Variants in CKAP2L observed in about 807,000 individuals in gnomAD.
The protein encoded by CKAP2L is cytoskeleton associated protein 2L.
In CKAP2L, 42 loss-of-function variants were observed where a neutral mutation model predicts 65.7. The observed-to-expected ratio is 0.64, with a 90% CI of 0.50 to 0.83. CKAP2L has a LOEUF of 0.83. Ranked by LOEUF, CKAP2L falls within the 40% of genes least tolerant of loss-of-function variation. CKAP2L has a pLI of 0.00. For missense variants in CKAP2L, 908 were observed against 871.0 expected, an observed-to-expected ratio of 1.04 and a Z score of -0.53; for synonymous variants, 325 against 313.5, an observed-to-expected ratio of 1.04 and a Z score of -0.39.
At chr2:112,760,683 A>C in intron 3 of CKAP2L, 30 bp downstream of exon 3, 1 of 1,160,178 alleles carries the variant, frequency 8.6e-7, no homozygotes, top group Non-Finnish European at 1.3e-6. Context: ...TTATGAATGC[A>C]TATTTTTAAA....
At chr2:112,761,808 G>C (rs943714965) in intron 2 of CKAP2L, among the ~76,000 whole-genome samples, 1 of 152,160 alleles carries the variant, frequency 6.6e-6, no homozygotes, top group South Asian at 2.1e-4. Context: ...GATGTTATAG[G>C]TACTAAATAA....
intron 8 of CKAP2L, 96 bp from the exon 9 acceptor site, chr2:112,739,144 C>T (rs1679660105): frequency 1.1e-6 from 1 of 925,048 alleles, no homozygotes; most frequent in Non-Finnish European, 1.7e-6. Context: ...ACAGGGAAGA[C>T]ATTTTAACAT....
intron 8 of CKAP2L, among the ~76,000 whole-genome samples, 168 bp downstream of exon 8, chr2:112,740,650 G>A: frequency 6.6e-6 from 1 of 152,162 alleles, no homozygotes; most frequent in East Asian, 1.9e-4. Context: ...GAAAAGGTAG[G>A]CGAGACCATA....
rs759631723 is a variant in CKAP2L at position 112,752,360 on chromosome 2, G to C, written c.1509C>G (p.Ser503Arg). 4 of 1,612,720 alleles carry C rather than the reference G, an allele frequency of 2.5e-6. No homozygotes were observed. The African/African-American group carries it at 5.3e-5, about 22-fold the overall frequency. ...TCTTTTCTTCCTCTTCTTTTTCAAT[G>C]CTCTTCCAGAATGAAATATTCATTT... is the stretch of plus-strand genomic sequence containing the variant. ...IKEMNISFWK[S>R]IEKEEEEKKA... Residue 503 changes from serine to arginine, a missense_variant, in exon 5 of 9, where the codon AGC becomes AGG. Transcript: ENST00000302450.
In CKAP2L at chr2:112,756,047, C is replaced by T; in HGVS notation, c.1324G>A (p.Asp442Asn). The T allele has an allele frequency of 6.2e-7, 1 of 1,613,220 alleles. No homozygotes were observed. The highest frequency in any genetic ancestry group is 8.5e-7 in the Non-Finnish European group (1 of 1,179,808). ...LNKTAPKTQA[D>N]VTTVNGTQTN... is the part of the protein sequence containing the mutation. ...TGGGTCCCATTTACGGTTGTGACAT[C>T]AGCTTGAGTTTTGGGAGCTGTCTTG... The change falls in exon 4 of 9, where the codon GAT (aspartate) becomes AAT (asparagine). Residue 442 changes from aspartate (D) to asparagine (N), a missense_variant. Coordinates refer to ENST00000302450, the MANE Select transcript of CKAP2L (RefSeq NM_152515.5).
chr2:112,750,927 T>C (rs1677529920), intron 5 of CKAP2L, among the ~76,000 whole-genome samples: 1 of 152,106 alleles, frequency 6.6e-6, no homozygotes, highest in Non-Finnish European at 1.5e-5. Flanking sequence ...CCTGAGGTCT[T>C]TTAAAAAGAT....
Position 112,756,203 on chromosome 2 carries a change from T to C in CKAP2L, c.1168A>G (p.Ile390Val), listed in dbSNP as rs1272244972. The C allele has an allele frequency of 6.2e-7, 1 of 1,614,228 alleles. No individual in the cohort carries two copies. Among genetic ancestry groups the C allele is most frequent in the Non-Finnish European group, 8.5e-7 (1 of 1,180,034 alleles). ...NLTVGRFNSA[I>V]PSTPSIRPNG... ...GGTCTTATGCTAGGGGTGCTTGGAA[T>C]GGCTGAATTAAATCTGCCAACTGTC... The change falls in exon 4 of 9, where the codon ATT (isoleucine) becomes GTT (valine). Residue 390 changes from isoleucine (I) to valine (V), a missense_variant. Physicochemically the swap from Ile to Val is conservative, Grantham distance 29. Coordinates refer to ENST00000302450, the MANE Select transcript of CKAP2L (RefSeq NM_152515.5).
intron 5 of CKAP2L, among the ~76,000 whole-genome samples, chr2:112,750,170 CTT>C (rs1373185065): frequency 1.5e-4 from 23 of 152,206 alleles, no homozygotes; most frequent in Admixed American, 1.5e-3. Context: ...CCTAACCTCT[CTT>C]TGTTCTCCTA....
rs1680842009 is a variant in CKAP2L at position 112,764,542 on chromosome 2, G to A, written c.37+20C>T. The A allele has an allele frequency of 1.2e-6, 2 of 1,613,946 alleles. No homozygotes were observed. Among genetic ancestry groups the A allele is most frequent in the East Asian group, 2.2e-5 (1 of 44,860 alleles). ...CGTGTTCCAACGCCTGAGAATAACGGGAACAGCGGTCGTACTCACCGACAG... is the reference window on the plus strand; with the variant it reads ...CGTGTTCCAACGCCTGAGAATAACGAGAACAGCGGTCGTACTCACCGACAG... On this transcript the variant is annotated intron_variant, in intron 1 of 8. Coordinates refer to ENST00000302450, the MANE Select transcript of CKAP2L (RefSeq NM_152515.5).
chr2:112,764,485 G>T, intron 1 of CKAP2L, 77 bp downstream of exon 1: 2 of 1,505,256 alleles, frequency 1.3e-6, no homozygotes, highest in Non-Finnish European at 1.9e-6. Context: ...CCCGCGGGAC[G>T]AACTCACTCG....
rs147582835 is a variant in CKAP2L, at chr2:112,756,987, C to T, written c.384G>A (p.Ser128=). ...SKSFQQCEAG[S]STTGELSRKP... is the part of the protein sequence containing the mutation. ...TTCTTGACAGTTCTCCTGTTGTGGA[C>T]GATCCAGCTTCACACTGTTGAAAAC... is the stretch of plus-strand genomic sequence containing the variant. The change falls in exon 4 of 9, where the codon TCG becomes TCA. Residue 128 remains serine (S), a synonymous_variant. Transcript: ENST00000302450. 190 of 1,614,176 alleles carry T rather than the reference C, an allele frequency of 1.2e-4. 1 individual carries two copies. The highest frequency in any genetic ancestry group is 3.3e-4 in the Middle Eastern group (2 of 6,062).
At chr2:112,760,800 G>C (rs1680694424) in intron 2 of CKAP2L, 36 bp from the exon 3 acceptor site, 1 of 1,114,406 alleles carries the variant, frequency 9.0e-7, no homozygotes, top group Non-Finnish European at 1.3e-6. Context: ...CCTCAGCACA[G>C]AAGGATTCTA....
At chr2:112,749,195 T>C (rs1363859405) in intron 5 of CKAP2L, among the ~76,000 whole-genome samples, 3 of 150,712 alleles carry the variant, frequency 2.0e-5, no homozygotes, top group Non-Finnish European at 4.4e-5. Context: ...AGTCAGCCCA[T>C]GAAGGCTTAA....
chr2:112,745,260 T>C (rs1305436617), intron 6 of CKAP2L, among the ~76,000 whole-genome samples: 1 of 152,180 alleles, frequency 6.6e-6, no homozygotes, highest in Non-Finnish European at 1.5e-5. Flanking sequence ...GAATTAATTA[T>C]ATAATAAATA....
At chr2:112,748,126 A>C (rs1200972675) in intron 5 of CKAP2L, among the ~76,000 whole-genome samples, 1 of 152,246 alleles carries the variant, frequency 6.6e-6, no homozygotes, top group African/African-American at 2.4e-5. Flanking sequence ...AAAAAAGTTC[A>C]ACACACAAAG....
At position 112,739,101 on chromosome 2, in the gene CKAP2L, T is replaced by C. The variant is rs1679654649; in HGVS notation, c.2013-53A>G. ...AACCTTATCATTTAAAAAAATTATC[T>C]TTATTATTTTTTGTTTCTTATTCAA... On this transcript the variant is annotated intron_variant, in intron 8 of 8. Transcript: ENST00000302450. 16 of 1,332,398 alleles carry C rather than the reference T, an allele frequency of 1.2e-5. No homozygotes were observed. In the South Asian group the frequency reaches 2.1e-4, roughly 17 times the overall value. 82.5% of individuals were successfully genotyped at this position (1,332,398 alleles called of 1,614,324 possible).
In CKAP2L at chr2:112,756,976, C is replaced by T; in HGVS notation, c.395G>A (p.Gly132Glu). ...CCCCACAGGTTTTCTTGACAGTTCTCCTGTTGTGGACGATCCAGCTTCACA... is the reference window on the plus strand; with the variant it reads ...CCCCACAGGTTTTCTTGACAGTTCTTCTGTTGTGGACGATCCAGCTTCACA... ...QQCEAGSSTTGELSRKPVGSL... is the reference protein window; with the variant it reads ...QQCEAGSSTTEELSRKPVGSL... Residue 132 changes from glycine to glutamate, a missense_variant, in exon 4 of 9, where the codon GGA becomes GAA. Gly to Glu is a moderately conservative substitution (Grantham distance 98). Transcript: ENST00000302450. 1 of 1,614,192 alleles carries T rather than the reference C, an allele frequency of 6.2e-7. No individual in the cohort carries two copies.
At chr2:112,747,841 T>C in intron 5 of CKAP2L, among the ~76,000 whole-genome samples, 1 of 152,166 alleles carries the variant, frequency 6.6e-6, no homozygotes. Context: ...CTTTTAAGAG[T>C]ATCACAGTCA....
At chr2:112,751,773 A>T (rs1174814638) in intron 5 of CKAP2L, among the ~76,000 whole-genome samples, 2 of 152,146 alleles carry the variant, frequency 1.3e-5, no homozygotes, top group Admixed American at 1.3e-4. Context: ...TCTCCTAAGG[A>T]TCATACTCTT....
Sources: gnomAD v4.1 joint callset for allele counts (sites outside exome capture counted in the v4.1 genomes callset) on GRCh38, gnomAD v4.1.1 for gene constraint, MANE v1.5 for transcripts, NCBI Gene and HGNC (gene_info 2026-07-23, HGNC 2026-07-21) for gene names.